Variants in RANBP2 observed in about 807,000 individuals in gnomAD.
The protein encoded by RANBP2 is RAN binding protein 2, also known as E3 SUMO-protein ligase RanBP2.
RANBP2 carries 57 observed loss-of-function variants against 303.6 expected under a neutral mutation model. The observed-to-expected ratio is 0.19, with a 90% confidence interval of 0.15 to 0.23. The LOEUF is 0.23. Among genes scored for constraint, RANBP2 ranks in the 10% least tolerant of loss-of-function variants. RANBP2 has a pLI of 1.00. For synonymous variants in RANBP2, 1,167 were observed against 1,301.5 expected (o/e 0.90, Z 2.23); for missense variants, 3,138 against 3,780.8 (o/e 0.83, Z 4.46).
the RANBP2 span, among the ~76,000 whole-genome samples, chr2:109,072,639 A>G: frequency 1.3e-5 from 2 of 152,182 alleles, no homozygotes; most frequent in African/African-American, 2.4e-5. Flanking sequence ...GCAAAGCAAA[A>G]GTTTGAAAGA....
At chr2:109,648,265 C>G in the RANBP2 span, among the ~76,000 whole-genome samples, 6 of 152,328 alleles carry the variant, frequency 3.9e-5, no homozygotes, top group East Asian at 9.6e-4. Flanking sequence ...GGAGGCTTGG[C>G]TGGCTGCAGC....
At chr2:109,735,488 C>G in the RANBP2 span, among the ~76,000 whole-genome samples, 3 of 147,322 alleles carry the variant, frequency 2.0e-5, no homozygotes, top group Admixed American at 1.3e-4. Flanking sequence ...ATCTCTCTCT[C>G]TCTCTCTCTT....
the RANBP2 span, among the ~76,000 whole-genome samples, chr2:109,133,922 T>C: frequency 1.3e-5 from 2 of 152,088 alleles, no homozygotes; most frequent in East Asian, 1.9e-4. Context: ...TGGGTGTGGG[T>C]GACTTTGGCT....
At chr2:109,525,076 G>T in the RANBP2 span, among the ~76,000 whole-genome samples, 1 of 144,916 alleles carries the variant, frequency 6.9e-6, no homozygotes, top group Non-Finnish European at 1.5e-5. Context: ...GCTCCTTACC[G>T]TTGTTTTTTT....
chr2:108,913,919 C>A, the RANBP2 span, among the ~76,000 whole-genome samples: 6 of 142,808 alleles, frequency 4.2e-5, no homozygotes, highest in African/African-American at 1.6e-4. Flanking sequence ...CACTGCACTC[C>A]AGCCTGGGTG....
the RANBP2 span, among the ~76,000 whole-genome samples, chr2:109,337,492 C>T: frequency 6.6e-6 from 1 of 152,228 alleles, no homozygotes; most frequent in Non-Finnish European, 1.5e-5. Context: ...ACTGTGCAGG[C>T]AAGGGCGGGA....
chr2:109,385,175 C>T, the RANBP2 span, among the ~76,000 whole-genome samples: 3 of 152,246 alleles, frequency 2.0e-5, no homozygotes, highest in African/African-American at 7.2e-5. Context: ...CTGTCACTCC[C>T]TGTGCCTCAG....
the RANBP2 span, among the ~76,000 whole-genome samples, chr2:109,116,457 C>T: frequency 2.6e-5 from 4 of 152,224 alleles, no homozygotes; most frequent in African/African-American, 9.6e-5. Context: ...TCACGTAGTT[C>T]TAGAGCCTTG....
At chr2:108,972,119 G>A in the RANBP2 span, among the ~76,000 whole-genome samples, 2 of 152,244 alleles carry the variant, frequency 1.3e-5, no homozygotes, top group South Asian at 2.1e-4. Context: ...CAGCGGAGCC[G>A]CTCCCTGATT....
At chr2:108,797,411 A>G in the RANBP2 span, among the ~76,000 whole-genome samples, 1 of 152,254 alleles carries the variant, frequency 6.6e-6, no homozygotes, top group Non-Finnish European at 1.5e-5. Context: ...AGTGACCTTT[A>G]GATTTAGTAA....
At chr2:109,477,897 C>A in the RANBP2 span, among the ~76,000 whole-genome samples, 1 of 152,218 alleles carries the variant, frequency 6.6e-6, no homozygotes, top group Non-Finnish European at 1.5e-5. Context: ...CATGTGCATT[C>A]AAGTGCAGCA....
the RANBP2 span, chr2:109,794,610 G>GCGGCGGCGGCGGCGGCCCCGGCCCGGCC: frequency 1.1e-5 from 2 of 189,770 alleles, no homozygotes; most frequent in Admixed American, 1.4e-4. Flanking sequence ...GGCGGCGGCG[G>GCGGCGGCGGCGGCGGCCCCGGCCCGGCC]GGGGGGCGGC....
the RANBP2 span, among the ~76,000 whole-genome samples, chr2:109,055,511 C>T: frequency 6.7e-6 from 1 of 149,970 alleles, no homozygotes; most frequent in African/African-American, 2.4e-5. Flanking sequence ...CAGGTGCATG[C>T]CACCGTGTCC....
chr2:108,848,307 T>C, the RANBP2 span, among the ~76,000 whole-genome samples: 1 of 152,174 alleles, frequency 6.6e-6, no homozygotes, highest in African/African-American at 2.4e-5. Context: ...GTGCTCTCTG[T>C]CACCACTTGT....
chr2:109,075,293 C>T, the RANBP2 span, among the ~76,000 whole-genome samples: 23 of 150,226 alleles, frequency 1.5e-4, 1 homozygote, highest in African/African-American at 2.2e-4. Flanking sequence ...GGCACAATCT[C>T]GGCTCACTGC....
the RANBP2 span, among the ~76,000 whole-genome samples, chr2:109,113,147 G>A: frequency 6.6e-6 from 1 of 152,096 alleles, no homozygotes; most frequent in African/African-American, 2.4e-5. Context: ...GAACTTTAAA[G>A]TAGTTTTTTC....
In RANBP2 at chr2:108,767,849, A is replaced by G. The variant is rs1414328580; in HGVS notation, c.7310A>G (p.Asp2437Gly). 1.2e-6 allele frequency: 2 copies of G among 1,610,076 alleles called. No homozygotes were observed. Among genetic ancestry groups the G allele is most frequent in the Admixed American group, 3.3e-5 (2 of 59,986 alleles). Reference protein sequence around the residue: ...DVADSFKKIFDEAKTAQEKDS... With the variant: ...DVADSFKKIFGEAKTAQEKDS... ...GCAGACTCGTTTAAGAAAATTTTTG[A>G]TGAAGCAAAAACAGCCCAGGAAAAA... The change falls in exon 20 of 29, where the codon GAT becomes GGT. Residue 2437 changes from aspartate to glycine, a missense_variant. Transcript: ENST00000283195.
the RANBP2 span, among the ~76,000 whole-genome samples, chr2:109,161,688 A>T: frequency 2.0e-5 from 3 of 151,894 alleles, no homozygotes; most frequent in Non-Finnish European, 4.4e-5. Context: ...TGCAGAGATC[A>T]TACAGTGAGA....
chr2:108,926,474 C>T, the RANBP2 span, among the ~76,000 whole-genome samples: 5,099 of 152,234 alleles, frequency 0.033, 114 homozygotes, highest in Non-Finnish European at 0.05. Context: ...TAAGGGACGC[C>T]GCAGATTCCC....
Sources: allele counts gnomAD v4.1 joint callset (sites outside exome capture counted in the v4.1 genomes callset), GRCh38; gene constraint gnomAD v4.1.1; transcripts MANE v1.5; gene names NCBI Gene and HGNC (gene_info 2026-07-23, HGNC 2026-07-21).